FMN2: variants seen among roughly 807,000 people sequenced by gnomAD.
The protein encoded by FMN2 is formin 2.
Under a neutral mutation model 142.3 loss-of-function variants are expected in FMN2, and 51 were observed. The ratio of observed to expected loss-of-function variants is 0.36; its 90% confidence interval spans 0.29 to 0.45. FMN2 has a LOEUF of 0.45. Ranked by LOEUF, FMN2 falls within the 20% of genes least tolerant of loss-of-function variation. The pLI is 1.00. For synonymous variants in FMN2, 882 were observed against 869.8 expected (o/e 1.01, Z -0.25); for missense variants, 1,936 against 2,122.8 (o/e 0.91, Z 1.73).
chr1:240,285,908 T>TC (rs141967607), intron 7 of FMN2, among the ~76,000 whole-genome samples: 1 of 152,000 alleles, frequency 6.6e-6, no homozygotes, highest in Non-Finnish European at 1.5e-5. Flanking sequence ...TTCCTTTTTT[T>TC]CCCCCGCTCT....
chr1:240,344,600 A>C (rs1338787236), intron 13 of FMN2, among the ~76,000 whole-genome samples: 1 of 152,190 alleles, frequency 6.6e-6, no homozygotes, highest in Non-Finnish European at 1.5e-5. Flanking sequence ...TGATTTTGCC[A>C]TTGGACAGGA....
intron 8 of FMN2, among the ~76,000 whole-genome samples, chr1:240,310,107 A>G (rs1558425672): frequency 2.6e-5 from 4 of 152,242 alleles, no homozygotes; most frequent in Non-Finnish European, 2.9e-5. Flanking sequence ...TAATAATAAC[A>G]TTTGAGGGTA....
intron 6 of FMN2, among the ~76,000 whole-genome samples, chr1:240,232,780 CCT>C (rs1342551959): frequency 6.6e-6 from 1 of 152,122 alleles, no homozygotes; most frequent in Non-Finnish European, 1.5e-5. Context: ...ATTTCAGTAC[CCT>C]GTTTTAATAA....
At chr1:240,470,844 A>T (rs1676784763) in intron 16 of FMN2, among the ~76,000 whole-genome samples, 1 of 152,168 alleles carries the variant, frequency 6.6e-6, no homozygotes, top group South Asian at 2.1e-4. Flanking sequence ...TTATTAAAAA[A>T]AAAAAATCCA....
At chr1:240,361,141 GTATATATATATA>G (rs202070560) in intron 14 of FMN2, among the ~76,000 whole-genome samples, 95 of 43,234 alleles carry the variant, frequency 2.2e-3, no homozygotes, top group South Asian at 0.015. Context: ...AAATATATGT[GTATATATATATA>G]TATATATATA....
At chr1:240,424,586 A>G (rs990593689) in intron 15 of FMN2, among the ~76,000 whole-genome samples, 7 of 152,182 alleles carry the variant, frequency 4.6e-5, no homozygotes, top group South Asian at 2.1e-4. Flanking sequence ...CAGGATGGCT[A>G]AAGAAGGCTC....
Position 240,356,373 on chromosome 1 carries a change from G to GT in FMN2, c.4858+472dup, listed in dbSNP as rs1672272720. On this transcript the variant is annotated intron_variant, in intron 14 of 17. Transcript: ENST00000319653. ...TCGGATCTTCAGAGCATTATTTGCA[G>GT]TTTTTTTAATGGGATACGCCAATAC... Among the ~76,000 whole-genome samples, 4 of 152,140 alleles carry GT rather than the reference G, an allele frequency of 2.6e-5. No individual in the cohort carries two copies. The South Asian group carries it at 8.3e-4, about 32-fold the overall frequency.
At chr1:240,143,597 C>T in intron 2 of FMN2, 1 of 1,607,546 alleles carries the variant, frequency 6.2e-7, no homozygotes, top group Admixed American at 1.7e-5. Flanking sequence ...GCACACACAT[C>T]TACCAGTGTG....
Position 240,371,216 on chromosome 1 carries a change from T to G in FMN2, c.4858+15308T>G, listed in dbSNP as rs187762963. The stretch of plus-strand genomic sequence containing the variant: ...CTCAAGTGATACCCCCACCTTGGCC[T>G]CCCAAAGTGTTGAGATTACAGTCAT... On this transcript the variant is annotated intron_variant, in intron 14 of 17. Transcript: ENST00000319653. Among the ~76,000 whole-genome samples the G allele has an allele frequency of 3.9e-3, 587 of 152,292 alleles. 8 individuals are homozygous for G. The highest frequency in any genetic ancestry group is 0.013 in the African/African-American group (559 of 41,570).
chr1:240,398,630 C>T (rs1210350795), intron 15 of FMN2, among the ~76,000 whole-genome samples: 1 of 152,188 alleles, frequency 6.6e-6, no homozygotes, highest in Non-Finnish European at 1.5e-5. Context: ...GCCATTTTCT[C>T]AGCAGTCCTA....
Position 240,334,110 on chromosome 1 carries a change from A to T in FMN2, c.4646A>T (p.Asp1549Val). 6.3e-7 allele frequency: 1 copy of T among 1,593,194 alleles called. No homozygotes were observed. Among genetic ancestry groups the T allele is most frequent in the Admixed American group, 1.9e-5 (1 of 54,050 alleles). ...VSYYLRNFDE[D>V]AGKEQCLFPL... ...ATGATGGGGTTTTTTGTTCATTAGG[A>T]TGCTGGAAAAGAACAGTGCCTCTTT... The change falls in exon 13 of 18, where the codon GAT becomes GTT. Residue 1549 changes from aspartate (D) to valine (V), a missense_variant and splice_region_variant. By Grantham distance (152) the Asp-to-Val change is radical. Around this residue, in one of 8 missense-constraint regions of FMN2, gnomAD observed 322 missense variants for 401.6 expected, o/e 0.80. Coordinates refer to ENST00000319653, the MANE Select transcript of FMN2 (RefSeq NM_020066.5).
chr1:240,128,898 GAA>G (rs1360059479), intron 2 of FMN2, among the ~76,000 whole-genome samples: 2 of 152,092 alleles, frequency 1.3e-5, no homozygotes, highest in African/African-American at 4.8e-5. Flanking sequence ...TTTTGAGACA[GAA>G]TCTCATTATG....
At chr1:240,234,577 A>G (rs1667634931) in intron 6 of FMN2, among the ~76,000 whole-genome samples, 1 of 152,126 alleles carries the variant, frequency 6.6e-6, no homozygotes. Flanking sequence ...CATAATTGTG[A>G]TGTTGGACAA....
At chr1:240,181,477 T>C (rs1665150471) in intron 3 of FMN2, among the ~76,000 whole-genome samples, 1 of 152,206 alleles carries the variant, frequency 6.6e-6, no homozygotes, top group Admixed American at 6.5e-5. Flanking sequence ...CCTTTATGGA[T>C]TGGTGAAGGA....
chr1:240,355,082 A>T (rs994869735), intron 13 of FMN2, among the ~76,000 whole-genome samples: 15 of 152,160 alleles, frequency 9.9e-5, no homozygotes, highest in African/African-American at 3.4e-4. Flanking sequence ...AAAAGAGGAT[A>T]AACTTTGGTG....
intron 13 of FMN2, among the ~76,000 whole-genome samples, chr1:240,339,277 A>G (rs903235949): frequency 6.6e-6 from 1 of 152,178 alleles, no homozygotes; most frequent in Admixed American, 6.5e-5. Context: ...AGATGTTTTG[A>G]GACAGAGAGA....
intron 14 of FMN2, among the ~76,000 whole-genome samples, chr1:240,356,740 C>T (rs1399573469): frequency 1.3e-5 from 2 of 152,178 alleles, no homozygotes; most frequent in South Asian, 4.1e-4. Context: ...AGGCCAAGAA[C>T]ACTCTGAAGA....
intron 2 of FMN2, chr1:240,144,325 G>C (rs1663339138): frequency 1.2e-6 from 2 of 1,606,420 alleles, no homozygotes; most frequent in African/African-American, 2.7e-5. Flanking sequence ...TCTCTAGGTG[G>C]GTTTTGTAGA....
chr1:240,266,038 A>T (rs1428398888), intron 7 of FMN2, among the ~76,000 whole-genome samples: 11 of 136,466 alleles, frequency 8.1e-5, no homozygotes, highest in East Asian at 2.1e-4. Context: ...TTTTTTTAAT[A>T]AATCAACTAT....
Sources: allele counts gnomAD v4.1 joint callset (sites outside exome capture counted in the v4.1 genomes callset), GRCh38; gene constraint gnomAD v4.1.1; regional missense constraint gnomAD v4.1.1; transcripts MANE v1.5; gene names NCBI Gene and HGNC (gene_info 2026-07-23, HGNC 2026-07-21).